The following HAPSTR1 variants were observed in gnomAD, a reference collection of about 807,000 sequenced individuals.
HAPSTR1 encodes the protein HUWE1 associated protein modifying stress responses.
the HAPSTR1 span, among the ~76,000 whole-genome samples, chr16:9,100,587 G>C: frequency 6.6e-6 from 1 of 152,100 alleles, no homozygotes; most frequent in African/African-American, 2.4e-5. Flanking sequence ...AGGCTGGAGT[G>C]AAGTGGCGCA....
the HAPSTR1 span, chr16:9,120,369 T>TGGG: frequency 2.0e-5 from 3 of 152,338 alleles, no homozygotes; most frequent in East Asian, 5.8e-4. Flanking sequence ...GATGTTTTAG[T>TGGG]GGGGGCAGCA....
At chr16:9,108,421 A>T in the HAPSTR1 span, 1 of 152,058 alleles carries the variant, frequency 6.6e-6, no homozygotes, top group African/African-American at 2.4e-5. Flanking sequence ...CATGGGTGCA[A>T]GCCATACCCC....
the HAPSTR1 span, chr16:9,109,377 C>T: frequency 6.6e-6 from 1 of 152,200 alleles, no homozygotes; most frequent in Non-Finnish European, 1.5e-5. Flanking sequence ...AGTCAGACTT[C>T]ACTCGGTATG....
the HAPSTR1 span, chr16:9,116,547 A>T: frequency 7.8e-7 from 1 of 1,288,088 alleles, no homozygotes; most frequent in East Asian, 2.3e-5. Context: ...CTTACTAGTA[A>T]TCCCTTATAA....
At chr16:9,093,017 C>T in the HAPSTR1 span, 80 of 1,602,886 alleles carry the variant, frequency 5.0e-5, no homozygotes, top group Non-Finnish European at 6.7e-5. Context: ...GATAACCTTG[C>T]TGCATTGCCG....
chr16:9,116,699 G>A, the HAPSTR1 span: 28 of 1,614,148 alleles, frequency 1.7e-5, 2 homozygotes, highest in South Asian at 3.0e-4. Flanking sequence ...GTATAAGCGT[G>A]CGTTCGAGTA....
At chr16:9,098,102 G>A in the HAPSTR1 span, among the ~76,000 whole-genome samples, 4 of 152,186 alleles carry the variant, frequency 2.6e-5, no homozygotes, top group East Asian at 1.9e-4. Flanking sequence ...AGGCTGAGGC[G>A]GAAGGATCAT....
chr16:9,114,103 G>T, the HAPSTR1 span, among the ~76,000 whole-genome samples: 1 of 152,152 alleles, frequency 6.6e-6, no homozygotes, highest in Non-Finnish European at 1.5e-5. Flanking sequence ...GATAGCTCAA[G>T]ATTTTTTTTT....
chr16:9,117,666 G>C, the HAPSTR1 span: 6 of 152,616 alleles, frequency 3.9e-5, no homozygotes, highest in African/African-American at 1.4e-4. Context: ...TTCCCATGCG[G>C]GGTACTTTCC....
the HAPSTR1 span, chr16:9,103,314 A>G: frequency 6.4e-7 from 1 of 1,561,570 alleles, no homozygotes; most frequent in East Asian, 2.3e-5. Context: ...GTGCCTGTGG[A>G]CCCATTTTTC....
the HAPSTR1 span, chr16:9,109,761 G>A: frequency 6.6e-6 from 1 of 152,008 alleles, no homozygotes; most frequent in Non-Finnish European, 1.5e-5. Context: ...AGCCTTTAAT[G>A]TAAGAATTTC....
the HAPSTR1 span, chr16:9,103,367 G>C: frequency 1.7e-6 from 2 of 1,170,232 alleles, no homozygotes; most frequent in Admixed American, 5.8e-5. Context: ...TTGTCTTACA[G>C]TAAACAGCTT....
the HAPSTR1 span, chr16:9,107,509 C>T: frequency 6.6e-6 from 1 of 152,234 alleles, no homozygotes; most frequent in Admixed American, 6.5e-5. Flanking sequence ...GCTGTTGTTG[C>T]CAGTCCATCT....
the HAPSTR1 span, among the ~76,000 whole-genome samples, chr16:9,097,793 G>A: frequency 0.014 from 2,071 of 152,304 alleles, 17 homozygotes; most frequent in Non-Finnish European, 0.023. Context: ...GTAAAGCTTA[G>A]AAGAGCCTAA....
At chr16:9,113,060 T>A in the HAPSTR1 span, 13 of 150,622 alleles carry the variant, frequency 8.6e-5, no homozygotes, top group East Asian at 1.9e-3. Context: ...TTCTGAAGCA[T>A]GTTTAGATTT....
chr16:9,119,347 T>C, the HAPSTR1 span: 2 of 152,236 alleles, frequency 1.3e-5, no homozygotes, highest in Non-Finnish European at 1.5e-5. Flanking sequence ...ACAAGTTGAC[T>C]TTTTCAGTTT....
the HAPSTR1 span, chr16:9,118,841 C>T: frequency 6.6e-6 from 1 of 152,654 alleles, no homozygotes; most frequent in African/African-American, 2.4e-5. Context: ...TGGAGGAACA[C>T]ATATTTAATT....
At chr16:9,116,031 A>G in the HAPSTR1 span, among the ~76,000 whole-genome samples, 1 of 152,216 alleles carries the variant, frequency 6.6e-6, no homozygotes, top group Non-Finnish European at 1.5e-5. Flanking sequence ...AAGGATATCT[A>G]CCAAATACAT....
the HAPSTR1 span, chr16:9,105,492 T>C: frequency 1.3e-5 from 2 of 152,230 alleles, no homozygotes; most frequent in African/African-American, 4.8e-5. Context: ...AATGGTAGTT[T>C]AATTTGAATA....
Sources: allele counts gnomAD v4.1 joint callset (sites outside exome capture counted in the v4.1 genomes callset), GRCh38; gene constraint gnomAD v4.1.1; transcripts MANE v1.5; gene names NCBI Gene and HGNC (gene_info 2026-07-23, HGNC 2026-07-21).